The following NRF1 variants were observed in gnomAD, a reference collection of about 807,000 sequenced individuals.
NRF1 encodes alpha palindromic-binding protein.
Under a neutral mutation model 58.5 loss-of-function variants are expected in NRF1, and 5 were observed. That is an observed-to-expected ratio of 0.09 (90% CI 0.04 to 0.18). The LOEUF (loss-of-function observed/expected upper bound fraction) is 0.18, where lower values mean the gene tolerates loss of function less well. Among genes scored for constraint, NRF1 ranks in the 10% least tolerant of loss-of-function variants. The probability of loss-of-function intolerance (pLI) is 1.00; values close to 1 mark genes in which losing one functional copy is unlikely to be tolerated. For synonymous variants in NRF1, 224 were observed against 246.7 expected, an observed-to-expected ratio of 0.91 and a Z score of 0.86; for missense variants, 288 against 657.7, an observed-to-expected ratio of 0.44 and a Z score of 6.15.
At chr7:129,662,728 A>G (rs1320747907) in intron 2 of NRF1, among the ~76,000 whole-genome samples, 1 of 152,076 alleles carries the variant, frequency 6.6e-6, no homozygotes, top group Non-Finnish European at 1.5e-5. Context: ...GATCATCTTA[A>G]TCCAATTTAA....
intron 1 of NRF1, among the ~76,000 whole-genome samples, chr7:129,647,605 A>G (rs1350672979): frequency 6.6e-6 from 1 of 152,016 alleles, no homozygotes; most frequent in Non-Finnish European, 1.5e-5. Context: ...CATGTTGGTC[A>G]GGCTAGTCTC....
intron 2 of NRF1, among the ~76,000 whole-genome samples, chr7:129,670,919 A>G (rs1802033476): frequency 6.6e-6 from 1 of 152,196 alleles, no homozygotes; most frequent in Non-Finnish European, 1.5e-5. Context: ...GATGTTATTC[A>G]TTCAGATACT....
intron 1 of NRF1, among the ~76,000 whole-genome samples, chr7:129,640,853 G>C (rs950283998): frequency 1.3e-5 from 2 of 152,162 alleles, no homozygotes; most frequent in Non-Finnish European, 2.9e-5. Flanking sequence ...AGCATTTTAG[G>C]TTTGCCTCTG....
chr7:129,652,058 C>T (rs1040067839), intron 1 of NRF1, among the ~76,000 whole-genome samples: 3 of 152,136 alleles, frequency 2.0e-5, no homozygotes, highest in East Asian at 1.9e-4. Flanking sequence ...AGAAACAAAT[C>T]ACCTAAAGAA....
intron 10 of NRF1, chr7:129,744,130 CTTTTT>C (rs35034726): frequency 9.6e-5 from 116 of 1,210,848 alleles, no homozygotes; most frequent in East Asian, 2.0e-4. Context: ...TTGCCCGGTG[CTTTTT>C]TTTTTTTTTT....
intron 5 of NRF1, among the ~76,000 whole-genome samples, chr7:129,696,593 G>A (rs1802704811): frequency 6.6e-6 from 1 of 152,170 alleles, no homozygotes; most frequent in African/African-American, 2.4e-5. Context: ...TGGCTTCCTT[G>A]AAGTGATAAA....
intron 3 of NRF1, among the ~76,000 whole-genome samples, chr7:129,672,477 T>C (rs1394073365): frequency 1.3e-5 from 2 of 152,142 alleles, no homozygotes; most frequent in Non-Finnish European, 2.9e-5. Context: ...GTGTTGAGAA[T>C]AGACTGTGGG....
chr7:129,632,083 T>C (rs570716860), intron 1 of NRF1, among the ~76,000 whole-genome samples: 5 of 152,272 alleles, frequency 3.3e-5, no homozygotes, highest in African/African-American at 1.2e-4. Context: ...GAGACCAGAC[T>C]GGGCAACATA....
intron 9 of NRF1, 108 bp from the exon 10 acceptor site, chr7:129,727,133 C>T (rs1803467395): frequency 2.5e-6 from 3 of 1,196,364 alleles, no homozygotes; most frequent in Non-Finnish European, 3.4e-6. Flanking sequence ...AGGATCACAA[C>T]CATGGAGTCA....
At chr7:129,711,753 T>C (rs1803079347) in intron 8 of NRF1, among the ~76,000 whole-genome samples, 177 bp downstream of exon 8, 1 of 152,238 alleles carries the variant, frequency 6.6e-6, no homozygotes, top group African/African-American at 2.4e-5. Flanking sequence ...GTATTAATTG[T>C]AACAATTAAG....
intron 4 of NRF1, among the ~76,000 whole-genome samples, chr7:129,686,325 TATTGGAAAAATAAATA>T (rs1484951498): frequency 1.3e-5 from 2 of 151,982 alleles, no homozygotes; most frequent in Middle Eastern, 3.4e-3. Flanking sequence ...GGCAAAGGAG[TATTGGAAAAATAAATA>T]ATTGGAAAGA....
rs866711550 is a variant in NRF1 at position 129,741,043 on chromosome 7, C to A, written c.1348+13678C>A. 8.5e-5 allele frequency among the ~76,000 whole-genome samples: 13 copies of A among 152,176 alleles called. No individual in the cohort carries two copies. Among genetic ancestry groups the A allele is most frequent in the South Asian group, 4.1e-4 (2 of 4,832 alleles). ...TGTCAGGGCCCCAAAGGAATCAAGT[C>A]CCTTTGGCATACCTTCATGTCCTCT... On this transcript the variant is annotated intron_variant, in intron 10 of 10. Transcript: ENST00000393232. The surrounding 1 kb of genome is among the most constrained non-coding windows in gnomAD (Gnocchi z 4.0).
intron 10 of NRF1, among the ~76,000 whole-genome samples, chr7:129,749,056 T>C (rs548002175): frequency 8.5e-5 from 13 of 152,358 alleles, no homozygotes; most frequent in Admixed American, 7.2e-4. Flanking sequence ...TAAAACCTCA[T>C]GGCCCCTTGT....
intron 10 of NRF1, among the ~76,000 whole-genome samples, chr7:129,751,974 C>T (rs1804127185): frequency 6.6e-6 from 1 of 152,184 alleles, no homozygotes; most frequent in Non-Finnish European, 1.5e-5. Context: ...GGGGAGAGGG[C>T]CCAGCTGCAC....
intron 10 of NRF1, among the ~76,000 whole-genome samples, chr7:129,743,235 CACT>C (rs2116302249): frequency 6.6e-6 from 1 of 151,934 alleles, no homozygotes; most frequent in South Asian, 2.1e-4. Context: ...TAGGAATGTC[CACT>C]TTCAGCTGAC....
At chr7:129,636,353 G>A (rs973953729) in intron 1 of NRF1, among the ~76,000 whole-genome samples, 1 of 152,012 alleles carries the variant, frequency 6.6e-6, no homozygotes, top group Non-Finnish European at 1.5e-5. Flanking sequence ...TTGTGTCTCA[G>A]CCTCTCAAAT....
chr7:129,735,125 C>A, intron 10 of NRF1: 1 of 985,428 alleles, frequency 1.0e-6, no homozygotes, highest in Non-Finnish European at 1.2e-6. Flanking sequence ...CATCTGTCTC[C>A]GCTGGTCAGC....
intron 3 of NRF1, among the ~76,000 whole-genome samples, chr7:129,673,456 G>A (rs537268208): frequency 1.1e-4 from 16 of 152,296 alleles, no homozygotes; most frequent in Admixed American, 3.3e-4. Context: ...GGGGTCGGGC[G>A]CGGTGGCTCA....
intron 1 of NRF1, among the ~76,000 whole-genome samples, chr7:129,627,760 A>C (rs1304194251): frequency 6.6e-6 from 1 of 152,206 alleles, no homozygotes; most frequent in African/African-American, 2.4e-5. Flanking sequence ...CTTATTTAGA[A>C]AGCAAGTAAA....
Sources: allele counts gnomAD v4.1 joint callset (sites outside exome capture counted in the v4.1 genomes callset), GRCh38; gene constraint gnomAD v4.1.1; non-coding constraint Gnocchi (gnomAD v3.1); transcripts MANE v1.5; gene names NCBI Gene and HGNC (gene_info 2026-07-23, HGNC 2026-07-21).